NAALADL2: variants seen among roughly 807,000 people sequenced by gnomAD.
NAALADL2 encodes the protein N-acetylated alpha-linked acidic dipeptidase like 2, also known as inactive N-acetylated-alpha-linked acidic dipeptidase-like protein 2.
NAALADL2 carries 76 observed loss-of-function variants against 87.2 expected under a neutral mutation model. That is an observed-to-expected ratio of 0.87 (90% CI 0.72 to 1.05). NAALADL2 has a LOEUF of 1.05. Among genes scored for constraint, NAALADL2 ranks in the 50% least tolerant of loss-of-function variants. NAALADL2 has a pLI of 0.00. For synonymous variants in NAALADL2, 354 were observed against 331.0 expected (o/e 1.07, Z -0.75); for missense variants, 1,089 against 945.8 (o/e 1.15, Z -1.99).
intron 4 of NAALADL2, among the ~76,000 whole-genome samples, chr3:175,284,638 C>A (rs893330389): frequency 1.3e-5 from 2 of 152,008 alleles, no homozygotes; most frequent in African/African-American, 4.8e-5. Context: ...TGTGAAGAAT[C>A]AGATTATTCC....
At chr3:175,633,646 C>A (rs562542819) in intron 11 of NAALADL2, among the ~76,000 whole-genome samples, 2 of 151,926 alleles carry the variant, frequency 1.3e-5, no homozygotes, top group Admixed American at 6.6e-5. Context: ...CTATGTGGTA[C>A]CATGGAAACC....
chr3:175,768,049 G>A (rs982798507), intron 13 of NAALADL2, among the ~76,000 whole-genome samples: 1 of 152,064 alleles, frequency 6.6e-6, no homozygotes, highest in Non-Finnish European at 1.5e-5. Context: ...TAAAAGAACC[G>A]GGACCTGACT....
chr3:175,449,083 T>C (rs1439229074), intron 6 of NAALADL2, among the ~76,000 whole-genome samples: 1 of 152,126 alleles, frequency 6.6e-6, no homozygotes, highest in Admixed American at 6.5e-5. Context: ...AAATAACTAC[T>C]TTTTTAAAAA....
chr3:175,362,772 T>C lies in NAALADL2; in HGVS notation c.1090+38447T>C, dbSNP rs1307859605. 2.0e-5 allele frequency among the ~76,000 whole-genome samples: 3 copies of C among 148,134 alleles called. 1 individual carries two copies. Among genetic ancestry groups the C allele is most frequent in the African/African-American group, 4.9e-5 (2 of 40,746 alleles). On this transcript the variant is annotated intron_variant, in intron 5 of 13. Transcript: ENST00000454872. ...GGAATCGCCACACTGTTTTCCATAGTGGTTGTACTAGTTTGCATTCCCGCC... is the reference window on the plus strand; with the variant it reads ...GGAATCGCCACACTGTTTTCCATAGCGGTTGTACTAGTTTGCATTCCCGCC...
intron 5 of NAALADL2, among the ~76,000 whole-genome samples, chr3:175,325,430 A>G (rs1450131868): frequency 5.9e-5 from 9 of 152,184 alleles, no homozygotes; most frequent in African/African-American, 9.7e-5. Flanking sequence ...TATCGTTACA[A>G]TTTTAAGTTA....
intron 1 of NAALADL2, among the ~76,000 whole-genome samples, chr3:175,039,956 G>A (rs1334264669): frequency 6.6e-6 from 1 of 152,006 alleles, no homozygotes; most frequent in Non-Finnish European, 1.5e-5. Flanking sequence ...ATTATACTCA[G>A]TTTTTAGCTT....
intron 6 of NAALADL2, among the ~76,000 whole-genome samples, chr3:175,449,247 T>C (rs976557368): frequency 6.6e-5 from 10 of 152,006 alleles, no homozygotes; most frequent in Non-Finnish European, 1.3e-4. Context: ...CCCAGCTAAC[T>C]TTTAAATCTT....
chr3:174,686,543 A>G (rs535573722), intron 2 of NAALADL2, among the ~76,000 whole-genome samples: 19 of 151,848 alleles, frequency 1.3e-4, no homozygotes, highest in Non-Finnish European at 2.6e-4. Flanking sequence ...ACCCACTTCA[A>G]ACTATACTAT....
At chr3:175,120,893 TAAG>T (rs1304472688) in intron 2 of NAALADL2, among the ~76,000 whole-genome samples, 3 of 151,798 alleles carry the variant, frequency 2.0e-5, no homozygotes, top group African/African-American at 7.2e-5. Flanking sequence ...TTTGGGCTAA[TAAG>T]AAATCAATCA....
chr3:174,447,555 C>T (rs190808384), intron 1 of NAALADL2, among the ~76,000 whole-genome samples: 111 of 152,262 alleles, frequency 7.3e-4, no homozygotes, highest in African/African-American at 2.1e-3. Flanking sequence ...AGGTGGCTAA[C>T]GCCTGTAATC....
At chr3:174,880,017 C>T (rs771467882) in intron 1 of NAALADL2, among the ~76,000 whole-genome samples, 31 of 152,024 alleles carry the variant, frequency 2.0e-4, no homozygotes, top group Non-Finnish European at 4.4e-4. Context: ...TTGTTAATCT[C>T]CTTTGCTGTT....
intron 1 of NAALADL2, among the ~76,000 whole-genome samples, chr3:174,907,121 A>T (rs990338194): frequency 3.3e-5 from 5 of 152,086 alleles, no homozygotes; most frequent in Admixed American, 3.3e-4. Flanking sequence ...ATTTGATCTG[A>T]TAATTAATCA....
At chr3:174,757,129 A>T (rs942710105) in intron 3 of NAALADL2, among the ~76,000 whole-genome samples, 1 of 152,206 alleles carries the variant, frequency 6.6e-6, no homozygotes. Context: ...TGATGTTAAT[A>T]TTGTTGTTAG....
rs190054720 is a variant in NAALADL2, at chr3:174,838,005, G to A, written c.-9+100259G>A. 2.7e-3 allele frequency among the ~76,000 whole-genome samples: 353 copies of A among 128,478 alleles called. 1 individual carries two copies. Among genetic ancestry groups the A allele is most frequent in the African/African-American group, 0.01 (341 of 33,706 alleles). The allele number at this position is 128,478 out of a possible 152,430, so 84.3% of individuals were successfully genotyped here. A position where few individuals can be genotyped will look rare whatever the true frequency, so the allele number is the denominator to read the frequency against. ...TCACCCTAATACCAAAACCAGGAAA[G>A]GACATAACCAAAAAAGAAAAAAAAA... On this transcript the variant is annotated intron_variant, in intron 3 of 3. Transcript: ENST00000434257.
At chr3:174,514,117 A>C (rs1719778128) in intron 1 of NAALADL2, among the ~76,000 whole-genome samples, 1 of 152,034 alleles carries the variant, frequency 6.6e-6, no homozygotes, top group Admixed American at 6.6e-5. Context: ...TTTTTTTTCT[A>C]AATTAATTCC....
chr3:174,540,010 T>C (rs1181028581), intron 1 of NAALADL2, among the ~76,000 whole-genome samples: 1 of 134,502 alleles, frequency 7.4e-6, no homozygotes, highest in Non-Finnish European at 1.6e-5. Flanking sequence ...AAAAAAAAGC[T>C]GCCTGATGTT....
intron 12 of NAALADL2, among the ~76,000 whole-genome samples, chr3:175,740,698 C>A (rs932165495): frequency 5.3e-5 from 8 of 152,188 alleles, no homozygotes; most frequent in Non-Finnish European, 8.8e-5. Context: ...TCCCCATGAT[C>A]TTTTTTATCC....
intron 2 of NAALADL2, among the ~76,000 whole-genome samples, chr3:175,143,551 CAAAAAAA>C (rs200363916): frequency 3.5e-5 from 4 of 113,402 alleles, no homozygotes; most frequent in African/African-American, 3.6e-5. Context: ...CAATGTTAGC[CAAAAAAA>C]AAAAAAAAAA....
chr3:174,860,776 A>G (rs1726392899), intron 1 of NAALADL2, among the ~76,000 whole-genome samples: 1 of 151,588 alleles, frequency 6.6e-6, no homozygotes, highest in African/African-American at 2.4e-5. Context: ...CATGGGTAAT[A>G]TTTTTTTAAT....
Sources: gnomAD v4.1 joint callset for allele counts (sites outside exome capture counted in the v4.1 genomes callset) on GRCh38, gnomAD v4.1.1 for gene constraint, MANE v1.5 for transcripts, NCBI Gene and HGNC (gene_info 2026-07-23, HGNC 2026-07-21) for gene names.